The following DTD1 variants were observed in gnomAD, a reference collection of about 807,000 sequenced individuals.
DTD1 encodes D-aminoacyl-tRNA deacylase 1.
DTD1 carries 13 observed loss-of-function variants against 25.6 expected under a neutral mutation model. The observed-to-expected ratio is 0.51, with a 90% confidence interval of 0.33 to 0.81. The LOEUF (loss-of-function observed/expected upper bound fraction) is 0.81. Ranked by LOEUF, DTD1 falls within the 30% of genes least tolerant of loss-of-function variation. The pLI is 0.02. For synonymous variants in DTD1, 110 were observed against 103.6 expected, an observed-to-expected ratio of 1.06 and a Z score of -0.37; for missense variants, 193 against 266.4, an observed-to-expected ratio of 0.72 and a Z score of 1.92.
intron 4 of DTD1, among the ~76,000 whole-genome samples, chr20:18,702,888 C>T (rs2061111784): frequency 6.6e-6 from 1 of 152,156 alleles, no homozygotes; most frequent in South Asian, 2.1e-4. Context: ...AGACCCATTT[C>T]TCCTGGGGCC....
At chr20:18,649,753 A>G (rs1388192036) in intron 4 of DTD1, among the ~76,000 whole-genome samples, 1 of 152,064 alleles carries the variant, frequency 6.6e-6, no homozygotes, top group Non-Finnish European at 1.5e-5. Context: ...GTGTCGCTGA[A>G]CCCCCATGCG....
chr20:18,646,429 G>A (rs142297721), intron 4 of DTD1, among the ~76,000 whole-genome samples: 176 of 152,174 alleles, frequency 1.2e-3, no homozygotes, highest in Middle Eastern at 3.4e-3. Flanking sequence ...AAAGGCTGGG[G>A]CAATACAAAT....
intron 4 of DTD1, among the ~76,000 whole-genome samples, chr20:18,697,130 G>C (rs907198493): frequency 2.0e-5 from 3 of 151,808 alleles, no homozygotes; most frequent in Non-Finnish European, 4.4e-5. Flanking sequence ...TATTCGGGAG[G>C]CTGTGGCAGG....
chr20:18,607,406 A>G (rs1243678784), intron 3 of DTD1, among the ~76,000 whole-genome samples: 5 of 151,978 alleles, frequency 3.3e-5, no homozygotes, highest in Non-Finnish European at 7.4e-5. Flanking sequence ...AGTGATCTAC[A>G]TGTCTAGGCC....
At chr20:18,732,241 A>G (rs1397831518) in intron 4 of DTD1, among the ~76,000 whole-genome samples, 1 of 152,252 alleles carries the variant, frequency 6.6e-6, no homozygotes, top group Non-Finnish European at 1.5e-5. Flanking sequence ...CACTTAAAGA[A>G]CACTGTTAGT....
intron 4 of DTD1, among the ~76,000 whole-genome samples, chr20:18,638,749 T>C (rs1467112064): frequency 1.3e-5 from 2 of 152,164 alleles, no homozygotes; most frequent in Admixed American, 6.5e-5. Flanking sequence ...TGATTTGTGT[T>C]TGCAGAGATG....
intron 4 of DTD1, chr20:18,632,789 G>A (rs188865156): frequency 1.7e-3 from 804 of 472,390 alleles, no homozygotes; most frequent in Non-Finnish European, 2.0e-3. Context: ...GTATATGGAT[G>A]TATATGTGTG....
chr20:18,661,529 G>A (rs1000372802), intron 4 of DTD1, among the ~76,000 whole-genome samples: 6 of 152,040 alleles, frequency 3.9e-5, no homozygotes, highest in Admixed American at 1.3e-4. Flanking sequence ...CCGCCAGCAC[G>A]CCTGGCTAAT....
At chr20:18,648,478 C>T (rs76876004) in intron 4 of DTD1, among the ~76,000 whole-genome samples, 2,526 of 152,174 alleles carry the variant, frequency 0.017, 37 homozygotes, top group Non-Finnish European at 0.025. Flanking sequence ...GGACCTTTTT[C>T]CTAGGTCATC....
chr20:18,652,635 A>G (rs1291256186), intron 4 of DTD1, among the ~76,000 whole-genome samples: 2 of 152,144 alleles, frequency 1.3e-5, no homozygotes, highest in African/African-American at 2.4e-5. Flanking sequence ...TCTGGCACCC[A>G]TAAGCGGACT....
chr20:18,743,970 C>A, intron 4 of DTD1, 130 bp from the exon 5 acceptor site: 1 of 910,110 alleles, frequency 1.1e-6, no homozygotes, highest in Non-Finnish European at 1.6e-6. Flanking sequence ...TATATCTGAA[C>A]CACTGTGCTC....
intron 3 of DTD1, among the ~76,000 whole-genome samples, chr20:18,599,386 G>A (rs1195420870): frequency 6.6e-6 from 1 of 152,018 alleles, no homozygotes; most frequent in Non-Finnish European, 1.5e-5. Context: ...TGTTGGCCAG[G>A]CTGGTCTCAA....
chr20:18,641,097 C>T lies in DTD1; in HGVS notation c.477+12864C>T, dbSNP rs935294326. Among the ~76,000 whole-genome samples the T allele has an allele frequency of 2.0e-5, 3 of 152,164 alleles. No homozygotes were observed. The East Asian group carries it at 5.8e-4, about 29-fold the overall frequency. On this transcript the variant is annotated intron_variant, in intron 4 of 5. Coordinates refer to ENST00000377452, the MANE Select transcript of DTD1 (RefSeq NM_080820.6). ...TATGAATAATCATATGGTATTTGTC[C>T]CTTTGTGACTGGCTTATGTCACTTA...
chr20:18,652,411 C>T (rs1294661068), intron 4 of DTD1, among the ~76,000 whole-genome samples: 2 of 152,230 alleles, frequency 1.3e-5, no homozygotes, highest in African/African-American at 2.4e-5. Flanking sequence ...TCTTGGACAA[C>T]ATTTTTACTT....
At chr20:18,687,104 CA>C (rs1307649552) in intron 4 of DTD1, among the ~76,000 whole-genome samples, 1 of 152,146 alleles carries the variant, frequency 6.6e-6, no homozygotes, top group East Asian at 1.9e-4. Context: ...AAAATTCAGG[CA>C]GAGGAGAAGG....
In DTD1 at chr20:18,751,841, GT is replaced by G. The variant is rs149413679; in HGVS notation, c.*19+7582del. 3.1e-4 allele frequency among the ~76,000 whole-genome samples: 46 copies of G among 147,324 alleles called. 1 individual carries two copies. In the South Asian group the frequency reaches 7.6e-3, roughly 24 times the overall value. On this transcript the variant is annotated intron_variant, in intron 5 of 5. Coordinates refer to ENST00000377452, the MANE Select transcript of DTD1 (RefSeq NM_080820.6). ...GCTGGTATAGACTTCTAGACTTGTAGTTTTTTTTTTTTGTTGTTGTTGTTGT... is the reference window on the plus strand; with the variant it reads ...GCTGGTATAGACTTCTAGACTTGTAGTTTTTTTTTTTGTTGTTGTTGTTGT...
chr20:18,732,706 C>A (rs2061242638), intron 4 of DTD1, among the ~76,000 whole-genome samples: 1 of 152,180 alleles, frequency 6.6e-6, no homozygotes, highest in Non-Finnish European at 1.5e-5. Context: ...AATACAAAAC[C>A]CTGGCTACTA....
intron 4 of DTD1, among the ~76,000 whole-genome samples, chr20:18,647,678 G>T (rs537633808): frequency 2.3e-4 from 35 of 152,308 alleles, no homozygotes; most frequent in African/African-American, 8.4e-4. Context: ...GCAGCCAGAT[G>T]TGGCAATGCT....
intron 3 of DTD1, among the ~76,000 whole-genome samples, chr20:18,623,524 C>T (rs2122301791): frequency 1.3e-5 from 2 of 152,196 alleles, no homozygotes; most frequent in South Asian, 4.1e-4. Context: ...AATAAATGCA[C>T]TTATGGGATG....
Sources: allele counts gnomAD v4.1 joint callset (sites outside exome capture counted in the v4.1 genomes callset), GRCh38; gene constraint gnomAD v4.1.1; transcripts MANE v1.5; gene names NCBI Gene and HGNC (gene_info 2026-07-23, HGNC 2026-07-21).